The following TLN2 variants were observed in gnomAD, a reference collection of about 807,000 sequenced individuals.
TLN2 encodes the protein talin-2.
Under a neutral mutation model 294.7 loss-of-function variants are expected in TLN2, and 118 were observed. That is an observed-to-expected ratio of 0.40 (90% CI 0.34 to 0.47). TLN2 has a LOEUF of 0.47. Among genes scored for constraint, TLN2 ranks in the 20% least tolerant of loss-of-function variants. The probability of loss-of-function intolerance (pLI) is 0.84; values close to 1 mark genes in which losing one functional copy is unlikely to be tolerated. For synonymous variants in TLN2, 1,431 were observed against 1,304.5 expected (o/e 1.10, Z -2.09); for missense variants, 3,083 against 3,282.2 (o/e 0.94, Z 1.48).
rs144611466 is a variant in TLN2 at position 62,794,757 on chromosome 15, G to A, written c.5884-1370G>A. Among the ~76,000 whole-genome samples, 1,026 of 152,292 alleles carry A rather than the reference G, an allele frequency of 6.7e-3. 11 individuals carry two copies. Among genetic ancestry groups the A allele is most frequent in the African/African-American group, 0.024 (993 of 41,552 alleles). On this transcript the variant is annotated intron_variant, in intron 46 of 58. Coordinates refer to ENST00000636159, the MANE Select transcript of TLN2 (RefSeq NM_015059.3). ...AGGAAATGGTCCCTGTGCCTCTCCT[G>A]CCAGACTGTGTCCACAGCCTCTGCT...
intron 9 of TLN2, among the ~76,000 whole-genome samples, chr15:62,672,032 G>T (rs1025125422): frequency 6.6e-6 from 1 of 152,086 alleles, no homozygotes; most frequent in Non-Finnish European, 1.5e-5. Flanking sequence ...TATTAAAATT[G>T]ATCATTGGGT....
intron 1 of TLN2, among the ~76,000 whole-genome samples, chr15:62,509,601 A>C (rs2039823739): frequency 6.6e-6 from 1 of 152,156 alleles, no homozygotes; most frequent in African/African-American, 2.4e-5. Flanking sequence ...ACTTGCCTGG[A>C]ATGCACATGT....
intron 41 of TLN2, among the ~76,000 whole-genome samples, chr15:62,766,759 A>T (rs1287392879): frequency 6.6e-6 from 1 of 152,188 alleles, no homozygotes; most frequent in African/African-American, 2.4e-5. Context: ...CCTAGCCTGG[A>T]GTCTGCCACC....
chr15:62,600,595 C>G (rs2046913434), intron 2 of TLN2, among the ~76,000 whole-genome samples: 1 of 152,204 alleles, frequency 6.6e-6, no homozygotes, highest in African/African-American at 2.4e-5. Context: ...GTCATGTGGT[C>G]TCACATGCTC....
chr15:62,640,223 CTCTT>C lies in TLN2; in HGVS notation c.-36-7046_-36-7043del, dbSNP rs1351681812. 6 of 455,944 alleles carry C rather than the reference CTCTT, an allele frequency of 1.3e-5. No homozygotes were observed. The East Asian group carries it at 4.2e-4, about 32-fold the overall frequency. The allele number at this position is 455,944 out of a possible 1,614,324, so 28.2% of individuals were successfully genotyped here. On this transcript the variant is annotated intron_variant, in intron 3 of 58. Coordinates refer to ENST00000636159, the MANE Select transcript of TLN2 (RefSeq NM_015059.3). ...CAGGTAGGGAGTGGAGAAGGGGAAG[CTCTT>C]TCTTTGGTGTTTCTTTGAGAGAGCT...
At chr15:62,717,787 C>T (rs1443954365) in intron 24 of TLN2, 98 bp downstream of exon 24, 4 of 880,394 alleles carry the variant, frequency 4.5e-6, no homozygotes, top group Non-Finnish European at 6.5e-6. Flanking sequence ...ACAGATTATC[C>T]AAGCTCCTAA....
intron 54 of TLN2, chr15:62,827,638 G>A (rs1429513635): frequency 6.6e-6 from 1 of 152,130 alleles, no homozygotes; most frequent in African/African-American, 2.4e-5. Context: ...CTGATTTGTG[G>A]GTTTTACTTA....
intron 28 of TLN2, among the ~76,000 whole-genome samples, chr15:62,731,870 C>T (rs1186299863): frequency 6.6e-6 from 1 of 152,160 alleles, no homozygotes; most frequent in Non-Finnish European, 1.5e-5. Flanking sequence ...GCCATCACTA[C>T]AAGCAAAATC....
In TLN2 at chr15:62,722,405, A is replaced by G; in HGVS notation, c.3044A>G (p.Asp1015Gly). Residue 1015 changes from aspartate to glycine, a missense_variant, in exon 26 of 59, where the codon GAC becomes GGC. Transcript: ENST00000636159. ...AAAGCCGCAGTGCCCACCGTGAGTG[A>G]CCAGGCCGCAGCCATGCAGCTGAGC... is the stretch of plus-strand genomic sequence containing the variant. ...SAKAAVPTVS[D>G]QAAAMQLSQC... The G allele has an allele frequency of 6.2e-7, 1 of 1,613,468 alleles. No homozygotes were observed.
At chr15:62,572,013 TG>T (rs1480353644) in intron 1 of TLN2, among the ~76,000 whole-genome samples, 1 of 152,232 alleles carries the variant, frequency 6.6e-6, no homozygotes, top group African/African-American at 2.4e-5. Flanking sequence ...TCTGATGTGC[TG>T]ATATGGGAGG....
chr15:62,447,238 A>G (rs1226088303), intron 1 of TLN2, among the ~76,000 whole-genome samples: 2 of 152,118 alleles, frequency 1.3e-5, no homozygotes, highest in Non-Finnish European at 2.9e-5. Flanking sequence ...AGCTGGTATT[A>G]GTGCTAAGTG....
chr15:62,673,415 T>G (rs1324499485), intron 9 of TLN2, among the ~76,000 whole-genome samples: 2 of 149,700 alleles, frequency 1.3e-5, no homozygotes, highest in African/African-American at 4.9e-5. Flanking sequence ...TCCTTGTTTT[T>G]CGCCTCTTCC....
At chr15:62,822,352 TCC>T (rs1412688291) in intron 54 of TLN2, among the ~76,000 whole-genome samples, 4 of 152,204 alleles carry the variant, frequency 2.6e-5, no homozygotes, top group African/African-American at 9.7e-5. Context: ...TGGGACTTAC[TCC>T]CTAGGAAATG....
intron 1 of TLN2, among the ~76,000 whole-genome samples, chr15:62,502,641 A>G (rs970519133): frequency 2.6e-5 from 4 of 152,180 alleles, no homozygotes; most frequent in Non-Finnish European, 4.4e-5. Flanking sequence ...AAGACTCATG[A>G]TGTATCATCT....
In TLN2 at chr15:62,708,517, A is replaced by C. The variant is rs138242185; in HGVS notation, c.2188A>C (p.Ile730Leu). Residue 730 changes from isoleucine to leucine, a missense_variant, in exon 21 of 59, where the codon ATT becomes CTT. Ile to Leu is a conservative substitution (Grantham distance 5). Coordinates refer to ENST00000636159, the MANE Select transcript of TLN2 (RefSeq NM_015059.3). Reference protein sequence around the residue: ...VACAKVVSPTISSPVCQEQLI... With the variant: ...VACAKVVSPTLSSPVCQEQLI... ...CTCACTTCAGGTTGTGAGCCCCACT[A>C]TTAGCTCCCCTGTGTGCCAGGAGCA... The C allele has an allele frequency of 1.9e-6, 3 of 1,613,578 alleles. No individual in the cohort carries two copies. The highest frequency in any genetic ancestry group is 2.5e-6 in the Non-Finnish European group (3 of 1,179,564).
chr15:62,818,052 T>G (rs2067255757), intron 52 of TLN2, among the ~76,000 whole-genome samples: 1 of 152,032 alleles, frequency 6.6e-6, no homozygotes, highest in Admixed American at 6.5e-5. Context: ...TCAGATGATC[T>G]ACCCGCCCGA....
At position 62,577,117 on chromosome 15, in the gene TLN2, G is replaced by A. The variant is rs1224029586; in HGVS notation, c.-237-12570G>A. 2.0e-5 allele frequency among the ~76,000 whole-genome samples: 3 copies of A among 152,184 alleles called. No homozygotes were observed. In the East Asian group the frequency reaches 5.8e-4, roughly 29 times the overall value. ...AATGAGTAGAGAATTTGTTTTCTTA[G>A]GGAAAACAGCTTTGTTATGCTTCTT... is the stretch of plus-strand genomic sequence containing the variant. On this transcript the variant is annotated intron_variant, in intron 1 of 58. Transcript: ENST00000636159.
intron 38 of TLN2, 45 bp downstream of exon 38, chr15:62,761,866 C>A: frequency 6.2e-7 from 1 of 1,608,326 alleles, no homozygotes; most frequent in Non-Finnish European, 8.5e-7. Flanking sequence ...CTTTGGCTAA[C>A]TTTGTGTGGC....
chr15:62,403,464 T>C (rs2033168997), intron 1 of TLN2, among the ~76,000 whole-genome samples: 1 of 152,176 alleles, frequency 6.6e-6, no homozygotes, highest in Admixed American at 6.5e-5. Flanking sequence ...AACTCCTGGG[T>C]TCAAGTGATC....
Sources: gnomAD v4.1 joint callset for allele counts (sites outside exome capture counted in the v4.1 genomes callset) on GRCh38, gnomAD v4.1.1 for gene constraint, MANE v1.5 for transcripts, NCBI Gene and HGNC (gene_info 2026-07-23, HGNC 2026-07-21) for gene names.